The following SLC10A6 variants were observed in gnomAD, a reference collection of about 807,000 sequenced individuals.
SLC10A6 encodes solute carrier family 10 member 6.
SLC10A6 carries 27 observed loss-of-function variants against 30.0 expected under a neutral mutation model. The ratio of observed to expected loss-of-function variants is 0.90; its 90% confidence interval spans 0.66 to 1.24. The LOEUF (loss-of-function observed/expected upper bound fraction) is 1.24. Among genes scored for constraint, SLC10A6 ranks in the 50% most tolerant of loss-of-function variants. The probability of loss-of-function intolerance (pLI) is 0.00; values close to 1 mark genes in which losing one functional copy is unlikely to be tolerated. For missense variants in SLC10A6, 439 were observed against 457.0 expected, an observed-to-expected ratio of 0.96 and a Z score of 0.36; for synonymous variants, 166 against 173.8, an observed-to-expected ratio of 0.95 and a Z score of 0.36.
At chr4:86,835,599 G>A (rs753965554) in intron 1 of SLC10A6, among the ~76,000 whole-genome samples, 8 of 151,964 alleles carry the variant, frequency 5.3e-5, no homozygotes, top group Non-Finnish European at 1.0e-4. Flanking sequence ...CCCAGGAGGC[G>A]GAGGTTGCAG....
intron 2 of SLC10A6, among the ~76,000 whole-genome samples, chr4:86,832,970 T>C (rs1201259601): frequency 6.6e-6 from 1 of 152,190 alleles, no homozygotes; most frequent in Non-Finnish European, 1.5e-5. Context: ...AGGGTTTGAT[T>C]CCTGCTTTTT....
chr4:86,828,258 C>G, intron 3 of SLC10A6, 90 bp from the exon 4 acceptor site: 1 of 1,386,916 alleles, frequency 7.2e-7, no homozygotes, highest in Non-Finnish European at 9.7e-7. Flanking sequence ...TGCTTGGGAT[C>G]TAGAAATTTT....
At chr4:86,837,290 A>AAAGAAAGAAAGAAAGAGAAAGG (rs1746211407) in intron 1 of SLC10A6, among the ~76,000 whole-genome samples, 1 of 62,736 alleles carries the variant, frequency 1.6e-5, no homozygotes, top group Non-Finnish European at 3.5e-5. Flanking sequence ...AAAGAAAAAG[A>AAAGAAAGAAAGAAAGAGAAAGG]AAGGAAGGAA....
At chr4:86,847,992 T>C (rs1209553681) in intron 1 of SLC10A6, among the ~76,000 whole-genome samples, 1 of 152,182 alleles carries the variant, frequency 6.6e-6, no homozygotes. Context: ...CAGAAAAGCA[T>C]GTGACTAATT....
intron 1 of SLC10A6, among the ~76,000 whole-genome samples, chr4:86,846,810 A>G (rs114399831): frequency 0.012 from 1,850 of 152,320 alleles, 24 homozygotes; most frequent in Non-Finnish European, 0.019. Context: ...AGAAATAGGT[A>G]AATTTAACCC....
At position 86,825,640 on chromosome 4, in the gene SLC10A6, T is replaced by C. The variant is rs986849106; in HGVS notation, c.762-63A>G. ...CAATAAGAACTATTCTAATATTTTCTCATATGCATCATAACAATTAGAAGC... is the reference window on the plus strand; with the variant it reads ...CAATAAGAACTATTCTAATATTTTCCCATATGCATCATAACAATTAGAAGC... On this transcript the variant is annotated intron_variant, in intron 4 of 5. Coordinates refer to ENST00000273905, the MANE Select transcript of SLC10A6 (RefSeq NM_197965.3). 5 of 1,447,692 alleles carry C rather than the reference T, an allele frequency of 3.5e-6. No homozygotes were observed. In the African/African-American group the frequency reaches 7.0e-5, roughly 20 times the overall value. The allele number at this position is 1,447,692 out of a possible 1,614,324, so 89.7% of individuals were successfully genotyped here.
intron 1 of SLC10A6, among the ~76,000 whole-genome samples, chr4:86,843,631 T>C (rs577605478): frequency 6.6e-6 from 1 of 152,276 alleles, no homozygotes; most frequent in Non-Finnish European, 1.5e-5. Context: ...TGTCCGTTGA[T>C]GGATGAATAG....
At chr4:86,842,800 T>TTC (rs1746315635) in intron 1 of SLC10A6, among the ~76,000 whole-genome samples, 1 of 6,824 alleles carries the variant, frequency 1.5e-4, no homozygotes, top group African/African-American at 1.8e-3. Context: ...CTTTCTTTCT[T>TTC]TCTTTCTTTC....
intron 1 of SLC10A6, among the ~76,000 whole-genome samples, chr4:86,843,425 C>T (rs1371756924): frequency 6.6e-6 from 1 of 152,114 alleles, no homozygotes; most frequent in Non-Finnish European, 1.5e-5. Flanking sequence ...AGAAACATTT[C>T]TGGGCAGTAG....
At chr4:86,837,795 A>G (rs1193727070) in intron 1 of SLC10A6, 1 of 216,712 alleles carries the variant, frequency 4.6e-6, no homozygotes, top group Admixed American at 6.5e-5. Flanking sequence ...CAATCTGTTT[A>G]AGCATGTACA....
intron 1 of SLC10A6, among the ~76,000 whole-genome samples, chr4:86,844,929 T>A (rs977986492): frequency 6.6e-6 from 1 of 152,076 alleles, no homozygotes; most frequent in Non-Finnish European, 1.5e-5. Flanking sequence ...TCACTCACTA[T>A]CATTAGAACA....
chr4:86,834,583 T>G (rs1415493313), intron 1 of SLC10A6, among the ~76,000 whole-genome samples: 1 of 152,246 alleles, frequency 6.6e-6, no homozygotes, highest in South Asian at 2.1e-4. Flanking sequence ...TGTTGCTAGA[T>G]TCAGTGTGAT....
intron 1 of SLC10A6, among the ~76,000 whole-genome samples, chr4:86,842,693 G>A (rs1353054479): frequency 8.5e-6 from 1 of 117,364 alleles, no homozygotes; most frequent in Non-Finnish European, 1.6e-5. Context: ...CTAAGACCCT[G>A]TCTCAAAAAA....
Position 86,848,796 on chromosome 4 carries a change from G to C in SLC10A6, c.320C>G (p.Pro107Arg). 6.2e-7 allele frequency: 1 copy of C among 1,613,128 alleles called. No homozygotes were observed. The highest frequency in any genetic ancestry group is 8.5e-7 in the Non-Finnish European group (1 of 1,179,604). The change falls in exon 1 of 6, where the codon CCG becomes CGG. Residue 107 changes from proline to arginine, a missense_variant. Pro to Arg is a moderately radical substitution (Grantham distance 103, BLOSUM62 -2). Transcript: ENST00000273905. ...AIAVLIMGCC[P>R]GGTISNIFTF... is the part of the protein sequence containing the mutation. ...GAAAATGTTAGAGATGGTGCCCCCC[G>C]GGCAGCAGCCCATGATGAGAACAGC...
Position 86,838,283 on chromosome 4 carries a change from C to T in SLC10A6, c.378-4859G>A, listed in dbSNP as rs552265144. Among the ~76,000 whole-genome samples the T allele has an allele frequency of 2.6e-5, 4 of 152,252 alleles. No individual in the cohort carries two copies. In the East Asian group the frequency reaches 7.7e-4, roughly 29 times the overall value. On this transcript the variant is annotated intron_variant, in intron 1 of 5. Transcript: ENST00000273905. The stretch of plus-strand genomic sequence containing the variant: ...TATTGACATTGGCTCATGAATTATA[C>T]ACATGCTGTACCCTACACAAGTACT...
intron 1 of SLC10A6, chr4:86,837,577 C>G: frequency 2.0e-6 from 2 of 985,214 alleles, no homozygotes; most frequent in South Asian, 9.4e-5. Context: ...CCTTACCCCA[C>G]TTTTTGGTGC....
chr4:86,846,788 T>C (rs572511194), intron 1 of SLC10A6, among the ~76,000 whole-genome samples: 37 of 152,150 alleles, frequency 2.4e-4, no homozygotes, highest in Non-Finnish European at 4.7e-4. Flanking sequence ...TACATATATA[T>C]ACAGTCTTGT....
intron 1 of SLC10A6, among the ~76,000 whole-genome samples, chr4:86,834,637 A>G (rs1034110567): frequency 5.3e-5 from 8 of 152,166 alleles, no homozygotes; most frequent in Non-Finnish European, 1.0e-4. Context: ...CATAAGAACT[A>G]TTGATCTGCA....
At chr4:86,842,883 T>TGAGA in intron 1 of SLC10A6, among the ~76,000 whole-genome samples, 1 of 129,774 alleles carries the variant, frequency 7.7e-6, no homozygotes, top group African/African-American at 3.2e-5. Context: ...TCTTTTTTTT[T>TGAGA]TTGAGATGGA....
Sources: allele counts gnomAD v4.1 joint callset (sites outside exome capture counted in the v4.1 genomes callset), GRCh38; gene constraint gnomAD v4.1.1; transcripts MANE v1.5; gene names NCBI Gene and HGNC (gene_info 2026-07-23, HGNC 2026-07-21).